Variants in CEMIP observed in about 807,000 individuals in gnomAD.
CEMIP encodes the protein cell migration-inducing and hyaluronan-binding protein.
In CEMIP, 105 loss-of-function variants were observed where a neutral mutation model predicts 156.9. The ratio of observed to expected loss-of-function variants is 0.67; its 90% CI spans 0.57 to 0.79. CEMIP has a LOEUF of 0.79. CEMIP is among the 30% of genes least tolerant of loss of function. The pLI is 0.00. For missense variants in CEMIP, 1,457 were observed against 1,769.4 expected (o/e 0.82, Z 3.17); for synonymous variants, 676 against 668.4 (o/e 1.01, Z -0.17).
intron 6 of CEMIP, among the ~76,000 whole-genome samples, chr15:80,882,881 C>A (rs1898711818): frequency 6.6e-6 from 1 of 152,034 alleles, no homozygotes; most frequent in Non-Finnish European, 1.5e-5. Context: ...GGTGCTTGAT[C>A]AGGTACAGAA....
At chr15:80,936,972 C>A in intron 24 of CEMIP, 87 bp downstream of exon 24, 3 of 1,258,936 alleles carry the variant, frequency 2.4e-6, no homozygotes, top group Non-Finnish European at 2.3e-6. Flanking sequence ...CTAACGAAAC[C>A]ACAGGCTAGC....
chr15:80,844,321 T>C (rs149890833), intron 1 of CEMIP, among the ~76,000 whole-genome samples: 1 of 152,296 alleles, frequency 6.6e-6, no homozygotes, highest in Non-Finnish European at 1.5e-5. Flanking sequence ...CCTGCTTTAA[T>C]GTGTCCTGGG....
At chr15:80,938,178 A>G (rs1399028225) in intron 25 of CEMIP, 199 bp downstream of exon 25, 2 of 573,642 alleles carry the variant, frequency 3.5e-6, no homozygotes, top group Non-Finnish European at 6.3e-6. Context: ...AGTAAAATAA[A>G]CACCCTATTA....
chr15:80,900,588 GTGTGTGTGTGT>G (rs1567090758), intron 12 of CEMIP, among the ~76,000 whole-genome samples: 26 of 56,958 alleles, frequency 4.6e-4, no homozygotes, highest in South Asian at 3.6e-3. Context: ...AGGTAGGGGT[GTGTGTGTGTGT>G]GTGTGTGTGT....
intron 6 of CEMIP, among the ~76,000 whole-genome samples, chr15:80,883,289 A>G (rs1231667919): frequency 6.6e-6 from 1 of 152,196 alleles, no homozygotes; most frequent in African/African-American, 2.4e-5. Flanking sequence ...CCAGGGGTAT[A>G]GATTTTGTGT....
chr15:80,895,191 G>A, intron 11 of CEMIP, 69 bp downstream of exon 11: 1 of 1,601,608 alleles, frequency 6.2e-7, no homozygotes, highest in East Asian at 2.2e-5. Flanking sequence ...AGCTATGCAG[G>A]CAACTTCCAG....
At chr15:80,831,999 T>G (rs903824816) in intron 1 of CEMIP, among the ~76,000 whole-genome samples, 2 of 152,246 alleles carry the variant, frequency 1.3e-5, no homozygotes, top group African/African-American at 4.8e-5. Flanking sequence ...TGCAAACATT[T>G]CCCATCTTTT....
chr15:80,882,753 CACAT>C (rs898166427), intron 6 of CEMIP, among the ~76,000 whole-genome samples: 3 of 111,584 alleles, frequency 2.7e-5, no homozygotes, highest in Non-Finnish European at 4.6e-5. Context: ...CGCATGCACA[CACAT>C]ACACACACAC....
intron 12 of CEMIP, chr15:80,897,313 C>T (rs1899270951): frequency 4.4e-6 from 2 of 455,892 alleles, no homozygotes; most frequent in Admixed American, 2.4e-5. Flanking sequence ...ATCTTTTTGG[C>T]TGCCTGAGAT....
intron 19 of CEMIP, among the ~76,000 whole-genome samples, chr15:80,925,995 G>C (rs769387884): frequency 1.2e-4 from 18 of 152,264 alleles, no homozygotes. Context: ...GTTATGATTC[G>C]CTTCCAAATA....
In CEMIP at chr15:80,932,604, C is replaced by G. The variant is rs1321779706; in HGVS notation, c.2793+565C>G. ...GTGCATTTCCTTCAGGTTATGGATT[C>G]CCAGACTTTTCCCTCCTTCTCCTCC... On this transcript the variant is annotated intron_variant, in intron 22 of 29. Transcript: ENST00000394685. This position sits in a 1 kb window ranked among gnomAD's most constrained non-coding sequence, Gnocchi z 4.5. Among the ~76,000 whole-genome samples, 1 of 152,136 alleles carries G rather than the reference C, an allele frequency of 6.6e-6. No homozygotes were observed. Among genetic ancestry groups the G allele is most frequent in the Non-Finnish European group, 1.5e-5 (1 of 68,020 alleles).
chr15:80,813,553 C>T (rs1457788902), intron 1 of CEMIP, among the ~76,000 whole-genome samples: 4 of 151,980 alleles, frequency 2.6e-5, no homozygotes. Flanking sequence ...ACTATGTTGG[C>T]CAGGCTGGTC....
intron 14 of CEMIP, among the ~76,000 whole-genome samples, chr15:80,916,221 G>T (rs977945383): frequency 3.3e-5 from 5 of 152,092 alleles, no homozygotes; most frequent in Non-Finnish European, 5.9e-5. Flanking sequence ...ACGTGTCCTG[G>T]TTCAGATCAT....
Position 80,937,718 on chromosome 15 carries a change from T to C in CEMIP, c.3222-76T>C, listed in dbSNP as rs1481176041. The C allele has an allele frequency of 2.4e-5, 34 of 1,438,506 alleles. No individual in the cohort carries two copies. The East Asian group carries it at 6.8e-4, about 29-fold the overall frequency. 89.1% of individuals were successfully genotyped at this position (1,438,506 alleles called of 1,614,324 possible). A position where few individuals can be genotyped will look rare whatever the true frequency, so the allele number is the denominator to read the frequency against. The stretch of plus-strand genomic sequence containing the variant: ...CATTTGGTGGAGATTTTTTGGTCTC[T>C]TTCTCCAAGGCATGCTCCAAAGGCC... On this transcript the variant is annotated intron_variant, in intron 24 of 29. Coordinates refer to ENST00000394685, the MANE Select transcript of CEMIP (RefSeq NM_001293298.2).
At chr15:80,878,191 A>G (rs1349124442) in intron 3 of CEMIP, among the ~76,000 whole-genome samples, 2 of 152,260 alleles carry the variant, frequency 1.3e-5, no homozygotes, top group African/African-American at 4.8e-5. Context: ...TTTAGATGAC[A>G]TTCACCAATC....
In CEMIP at chr15:80,921,086, C is replaced by T. The variant is rs755340760; in HGVS notation, c.2058C>T (p.Ala686=). The T allele has an allele frequency of 8.6e-5, 138 of 1,613,968 alleles. 1 individual carries two copies. In the South Asian group the frequency reaches 9.6e-4, roughly 11 times the overall value. Residue 686 remains alanine (A), a synonymous_variant, in exon 16 of 30, where the codon GCC becomes GCT. Transcript: ENST00000394685. The part of the protein sequence containing the change: ...ANPNNNLINC[A]AAGSEETGFW... ...CCAACAACAACCTCATCAACTGTGC[C>T]GCTGCAGGATCTGAGGTGAGCAGAA...
chr15:80,802,271 G>T (rs755027), intron 1 of CEMIP, among the ~76,000 whole-genome samples: 51,850 of 152,200 alleles, frequency 0.34, 10,314 homozygotes, highest in Non-Finnish European at 0.46. Context: ...AGGCGGGAAA[G>T]GGACATATGT....
At chr15:80,908,014 G>A (rs1341120543) in intron 13 of CEMIP, among the ~76,000 whole-genome samples, 1 of 152,184 alleles carries the variant, frequency 6.6e-6, no homozygotes, top group Non-Finnish European at 1.5e-5. Flanking sequence ...TGTCACATAG[G>A]CCTATATTAT....
At chr15:80,779,880 G>T (rs1323822503) in intron 1 of CEMIP, among the ~76,000 whole-genome samples, 1 of 152,184 alleles carries the variant, frequency 6.6e-6, no homozygotes, top group Non-Finnish European at 1.5e-5. Flanking sequence ...CAGGTGCCGG[G>T]GGGCGCTGGA....
Sources: allele counts gnomAD v4.1 joint callset (sites outside exome capture counted in the v4.1 genomes callset), GRCh38; gene constraint gnomAD v4.1.1; non-coding constraint Gnocchi (gnomAD v3.1); transcripts MANE v1.5; gene names NCBI Gene and HGNC (gene_info 2026-07-23, HGNC 2026-07-21).